TBC1D22A: variants seen among roughly 807,000 people sequenced by gnomAD.
The protein encoded by TBC1D22A is TBC1 domain family member 22A.
In TBC1D22A, 38 loss-of-function variants were observed where a neutral mutation model predicts 60.2. That is an observed-to-expected ratio of 0.63 (90% CI 0.49 to 0.83). The LOEUF is 0.83. TBC1D22A is among the 40% of genes least tolerant of loss of function. TBC1D22A has a pLI of 0.00. For synonymous variants in TBC1D22A, 302 were observed against 281.7 expected (o/e 1.07, Z -0.72); for missense variants, 628 against 701.0 (o/e 0.90, Z 1.18).
At chr22:47,167,449 G>A (rs538637935) in intron 12 of TBC1D22A, among the ~76,000 whole-genome samples, 18 of 152,276 alleles carry the variant, frequency 1.2e-4, no homozygotes, top group Admixed American at 9.2e-4. Context: ...CCCATAACTC[G>A]GCAAGTGGGA....
In TBC1D22A at chr22:47,173,614, C is replaced by T. The variant is rs2068577422; in HGVS notation, c.1542C>T (p.His514=). Residue 514 remains histidine, a synonymous_variant, in exon 13 of 13, where the codon CAC becomes CAT. Coordinates refer to ENST00000337137, the MANE Select transcript of TBC1D22A (RefSeq NM_014346.5). The part of the protein sequence containing the change: ...LKFAFADAPN[H]YKK ...TTGCTTTTGCCGACGCCCCCAATCA[C>T]TACAAGAAATGAGCCCAGGCCCACC... 3.1e-6 allele frequency: 5 copies of T among 1,613,962 alleles called. No individual in the cohort carries two copies. The highest frequency in any genetic ancestry group is 4.2e-6 in the Non-Finnish European group (5 of 1,179,932).
intron 4 of TBC1D22A, among the ~76,000 whole-genome samples, chr22:46,878,322 GGAGA>G (rs1569164001): frequency 1.2e-4 from 11 of 89,856 alleles, no homozygotes; most frequent in East Asian, 3.2e-4. Context: ...GAGGTGGGAG[GGAGA>G]GAGAGAAGGA....
intron 10 of TBC1D22A, among the ~76,000 whole-genome samples, chr22:47,013,342 ACT>A (rs2061813504): frequency 6.6e-6 from 1 of 151,914 alleles, no homozygotes; most frequent in Admixed American, 6.5e-5. Flanking sequence ...TATCTTTGTG[ACT>A]CTCCACACCG....
At chr22:47,020,034 A>G (rs188060975) in intron 10 of TBC1D22A, among the ~76,000 whole-genome samples, 21 of 147,692 alleles carry the variant, frequency 1.4e-4, no homozygotes, top group Admixed American at 1.4e-3. Context: ...GCCTTGATCC[A>G]TCCCCCCACC....
chr22:47,164,331 G>T (rs1300141175), intron 12 of TBC1D22A, among the ~76,000 whole-genome samples: 1 of 152,280 alleles, frequency 6.6e-6, no homozygotes, highest in African/African-American at 2.4e-5. Flanking sequence ...AGCAGGTCTT[G>T]TTAGGGAACT....
intron 8 of TBC1D22A, among the ~76,000 whole-genome samples, chr22:46,952,230 C>G (rs926852039): frequency 9.8e-6 from 1 of 101,742 alleles, no homozygotes; most frequent in Non-Finnish European, 2.4e-5. Context: ...GGACAGCAAG[C>G]CTTCCTGGCC....
At chr22:46,806,231 G>C (rs538561555) in intron 4 of TBC1D22A, among the ~76,000 whole-genome samples, 1 of 152,216 alleles carries the variant, frequency 6.6e-6, no homozygotes, top group Admixed American at 6.5e-5. Flanking sequence ...CCAGATGTTT[G>C]ATTGCATTGA....
chr22:47,077,478 G>A (rs768796513), intron 11 of TBC1D22A, among the ~76,000 whole-genome samples: 15 of 152,164 alleles, frequency 9.9e-5, no homozygotes, highest in Non-Finnish European at 1.5e-4. Context: ...AAGCCCTCCC[G>A]CCCTATTGGA....
intron 4 of TBC1D22A, among the ~76,000 whole-genome samples, chr22:46,847,386 C>A (rs1397126154): frequency 6.6e-6 from 1 of 152,186 alleles, no homozygotes; most frequent in East Asian, 1.9e-4. Context: ...AGTATCTGCC[C>A]TAGACGTACC....
chr22:47,133,981 G>A (rs57863857), intron 12 of TBC1D22A, among the ~76,000 whole-genome samples: 16 of 152,072 alleles, frequency 1.1e-4, no homozygotes, highest in South Asian at 4.2e-4. Flanking sequence ...ACCCTTTCTC[G>A]TGGGCCTGGA....
intron 12 of TBC1D22A, among the ~76,000 whole-genome samples, chr22:47,146,461 A>G (rs2147160238): frequency 6.6e-6 from 1 of 152,376 alleles, no homozygotes; most frequent in South Asian, 2.1e-4. Flanking sequence ...GAGAAAGCCC[A>G]GACCCGTGGC....
At chr22:47,156,421 G>A (rs1001844786) in intron 12 of TBC1D22A, among the ~76,000 whole-genome samples, 14 of 152,116 alleles carry the variant, frequency 9.2e-5, no homozygotes, top group Non-Finnish European at 1.3e-4. Flanking sequence ...GCCCTGCCAC[G>A]GGCCGGCTGC....
In TBC1D22A at chr22:46,917,560, C is replaced by T. The variant is rs148852429; in HGVS notation, c.1015+5372C>T. ...AGGATGAGACGTGGAGTAGAAAGAG[C>T]GGGTTGAGGAGGCGGGATGGGGTTC... On this transcript the variant is annotated intron_variant, in intron 8 of 12. Coordinates refer to ENST00000337137, the MANE Select transcript of TBC1D22A (RefSeq NM_014346.5). Among the ~76,000 whole-genome samples, 228 of 152,160 alleles carry T rather than the reference C, an allele frequency of 1.5e-3. 1 individual carries two copies. The highest frequency in any genetic ancestry group is 5.0e-3 in the African/African-American group (209 of 41,520).
intron 12 of TBC1D22A, among the ~76,000 whole-genome samples, chr22:47,132,602 C>G (rs79343826): frequency 1.6e-4 from 24 of 152,370 alleles, no homozygotes; most frequent in African/African-American, 5.3e-4. Context: ...CTGGGTCCTG[C>G]TTCTCCCCAG....
intron 4 of TBC1D22A, among the ~76,000 whole-genome samples, chr22:46,866,994 G>A (rs1042830015): frequency 1.3e-5 from 2 of 152,198 alleles, no homozygotes; most frequent in Admixed American, 6.5e-5. Flanking sequence ...ATTGCAGGGA[G>A]GCTGGACTGG....
Position 46,933,691 on chromosome 22 carries a change from G to C in TBC1D22A, c.1015+21503G>C, listed in dbSNP as rs566355839. On this transcript the variant is annotated intron_variant, in intron 8 of 12. Coordinates refer to ENST00000337137, the MANE Select transcript of TBC1D22A (RefSeq NM_014346.5). ...GCAGCCTCTGCACTCAGATGCGTGT[G>C]TTCTCTCTCTGCACTGCCCGGGGCG... Among the ~76,000 whole-genome samples, 240 of 152,380 alleles carry C rather than the reference G, an allele frequency of 1.6e-3. 1 individual carries two copies. The highest frequency in any genetic ancestry group is 5.7e-3 in the African/African-American group (235 of 41,590).
At chr22:46,941,883 G>GTGTATAGAA (rs2072176033) in intron 8 of TBC1D22A, among the ~76,000 whole-genome samples, 2 of 145,738 alleles carry the variant, frequency 1.4e-5, no homozygotes, top group Non-Finnish European at 3.0e-5. Context: ...TATAGAATAT[G>GTGTATAGAA]TATAGAATAT....
intron 12 of TBC1D22A, among the ~76,000 whole-genome samples, chr22:47,131,996 A>G (rs975472460): frequency 6.6e-6 from 1 of 152,202 alleles, no homozygotes; most frequent in Non-Finnish European, 1.5e-5. Flanking sequence ...TCAGACTGAT[A>G]AACTTTGGTC....
chr22:46,804,282 C>A (rs188644608), intron 4 of TBC1D22A, among the ~76,000 whole-genome samples: 1 of 152,308 alleles, frequency 6.6e-6, no homozygotes, highest in African/African-American at 2.4e-5. Flanking sequence ...CTCATTTTGT[C>A]ACTAAAGGGT....
Sources: gnomAD v4.1 joint callset for allele counts (sites outside exome capture counted in the v4.1 genomes callset) on GRCh38, gnomAD v4.1.1 for gene constraint, MANE v1.5 for transcripts, NCBI Gene and HGNC (gene_info 2026-07-23, HGNC 2026-07-21) for gene names.